ADAMTSL3: variants seen among roughly 807,000 people sequenced by gnomAD.
ADAMTSL3 encodes ADAMTS like 3.
In ADAMTSL3, 128 loss-of-function variants were observed where a neutral mutation model predicts 201.7. That is an observed-to-expected ratio of 0.63 (90% CI 0.55 to 0.73). The LOEUF is 0.73. Ranked by LOEUF, ADAMTSL3 falls within the 30% of genes least tolerant of loss-of-function variation. ADAMTSL3 has a pLI of 0.00. For missense variants in ADAMTSL3, 1,990 were observed against 2,119.6 expected (o/e 0.94, Z 1.20); for synonymous variants, 738 against 748.4 (o/e 0.99, Z 0.23).
intron 3 of ADAMTSL3, among the ~76,000 whole-genome samples, chr15:83,748,771 A>G (rs1459475577): frequency 6.6e-6 from 1 of 152,146 alleles, no homozygotes; most frequent in African/African-American, 2.4e-5. Flanking sequence ...AATTATTGGT[A>G]TGAGGTGGTT....
chr15:83,881,002 G>C (rs111271577), intron 9 of ADAMTSL3, among the ~76,000 whole-genome samples: 8 of 152,180 alleles, frequency 5.3e-5, no homozygotes, highest in African/African-American at 1.9e-4. Flanking sequence ...TGGAAGAAAG[G>C]TTGTGGATAT....
At chr15:83,717,039 A>G (rs1483127540) in intron 3 of ADAMTSL3, among the ~76,000 whole-genome samples, 1 of 152,244 alleles carries the variant, frequency 6.6e-6, no homozygotes, top group Admixed American at 6.5e-5. Context: ...TATTGTAAAT[A>G]TACATTAAAT....
At chr15:83,718,823 C>T (rs185588541) in intron 3 of ADAMTSL3, among the ~76,000 whole-genome samples, 45 of 152,090 alleles carry the variant, frequency 3.0e-4, no homozygotes, top group Admixed American at 2.8e-3. Context: ...TCACTGTTGG[C>T]GGGTGCTCAG....
intron 4 of ADAMTSL3, among the ~76,000 whole-genome samples, chr15:83,776,773 G>A (rs2063081990): frequency 6.6e-6 from 1 of 152,218 alleles, no homozygotes; most frequent in Admixed American, 6.5e-5. Context: ...AGCCCTCTGT[G>A]CTGGGGCATG....
At chr15:83,757,275 A>G (rs561003258) in intron 3 of ADAMTSL3, among the ~76,000 whole-genome samples, 1 of 152,214 alleles carries the variant, frequency 6.6e-6, no homozygotes, top group Admixed American at 6.5e-5. Context: ...AGGTATTTCC[A>G]TACATCCTCT....
At chr15:84,002,936 C>CTTTTTTTTTTT (rs368176543) in intron 23 of ADAMTSL3, among the ~76,000 whole-genome samples, 614 of 99,632 alleles carry the variant, frequency 6.2e-3, no homozygotes, top group Non-Finnish European at 7.5e-3. Flanking sequence ...CTTTTCTTTT[C>CTTTTTTTTTTT]TTTTTTTTTT....
At chr15:83,819,785 A>C in intron 5 of ADAMTSL3, 26 bp from the exon 6 acceptor site, 1 of 1,570,110 alleles carries the variant, frequency 6.4e-7, no homozygotes, top group Non-Finnish European at 8.8e-7. Flanking sequence ...GGTGATGTGC[A>C]TGTGGCCTTT....
In ADAMTSL3 at chr15:83,796,082, G is replaced by A. The variant is rs182216584; in HGVS notation, c.318-8568G>A. Among the ~76,000 whole-genome samples the A allele has an allele frequency of 4.6e-5, 7 of 152,278 alleles. No homozygotes were observed. The East Asian group carries it at 1.3e-3, about 29-fold the overall frequency. Reference sequence around the variant, plus strand: ...CTAGGAATAAAGGTATACTCTCAATGTACAGTAGATAATCTTGATAGTAAA... The same window carrying A: ...CTAGGAATAAAGGTATACTCTCAATATACAGTAGATAATCTTGATAGTAAA... On this transcript the variant is annotated intron_variant, in intron 4 of 29. Transcript: ENST00000286744.
At chr15:83,829,324 A>G (rs1596286051) in intron 6 of ADAMTSL3, among the ~76,000 whole-genome samples, 1 of 152,156 alleles carries the variant, frequency 6.6e-6, no homozygotes, top group South Asian at 2.1e-4. Context: ...AGAGCTGTTT[A>G]TAGTATTCCC....
At chr15:83,968,584 C>T (rs993208049) in intron 19 of ADAMTSL3, among the ~76,000 whole-genome samples, 6 of 152,186 alleles carry the variant, frequency 3.9e-5, no homozygotes, top group African/African-American at 1.4e-4. Context: ...TTAGTTCAAC[C>T]ATTGTGGAAG....
intron 23 of ADAMTSL3, among the ~76,000 whole-genome samples, chr15:84,009,766 C>T (rs550291762): frequency 9.8e-5 from 15 of 152,328 alleles, no homozygotes; most frequent in South Asian, 6.2e-4. Context: ...TCATGGTCCC[C>T]GGGTTGAGGA....
intron 19 of ADAMTSL3, among the ~76,000 whole-genome samples, chr15:83,955,728 A>G (rs1286438154): frequency 6.6e-6 from 1 of 152,008 alleles, no homozygotes; most frequent in African/African-American, 2.4e-5. Flanking sequence ...AGGACCTGGC[A>G]TGGGGGCTTC....
intron 20 of ADAMTSL3, among the ~76,000 whole-genome samples, chr15:83,978,820 G>A (rs747491785): frequency 7.9e-5 from 12 of 152,258 alleles, no homozygotes; most frequent in Admixed American, 3.3e-4. Context: ...GGGGCCACAA[G>A]GCCTGCCTTC....
intron 8 of ADAMTSL3, among the ~76,000 whole-genome samples, chr15:83,867,963 G>GA (rs1438493928): frequency 6.6e-6 from 1 of 152,128 alleles, no homozygotes; most frequent in East Asian, 1.9e-4. Context: ...AAGATTTTGG[G>GA]ATACAAGAAA....
chr15:83,797,107 C>T (rs554129473), intron 4 of ADAMTSL3, among the ~76,000 whole-genome samples: 42 of 151,942 alleles, frequency 2.8e-4, no homozygotes, highest in South Asian at 1.0e-3. Flanking sequence ...AAAGAAAAGC[C>T]ATAGAGTGGA....
chr15:83,669,689 C>T (rs1457072401), intron 2 of ADAMTSL3, among the ~76,000 whole-genome samples: 2 of 149,734 alleles, frequency 1.3e-5, no homozygotes, highest in South Asian at 4.3e-4. Flanking sequence ...AGGATGGTCT[C>T]AATCTCCTGA....
At chr15:83,828,402 C>G (rs2064075442) in intron 6 of ADAMTSL3, among the ~76,000 whole-genome samples, 1 of 152,148 alleles carries the variant, frequency 6.6e-6, no homozygotes, top group African/African-American at 2.4e-5. Context: ...ACTGAAGTTG[C>G]CTATCAGCTT....
At chr15:83,872,627 C>CACACACACAGAG (rs6145659) in intron 9 of ADAMTSL3, among the ~76,000 whole-genome samples, 51 of 141,014 alleles carry the variant, frequency 3.6e-4, no homozygotes, top group East Asian at 1.5e-3. Context: ...CACACACACA[C>CACACACACAGAG]AGAGTTTTTG....
intron 23 of ADAMTSL3, among the ~76,000 whole-genome samples, chr15:84,009,678 ATAGAAGTGC>A (rs1183624445): frequency 6.6e-6 from 1 of 152,208 alleles, no homozygotes; most frequent in Non-Finnish European, 1.5e-5. Context: ...TTCATAATTG[ATAGAAGTGC>A]TACATTTCAA....
Sources: gnomAD v4.1 joint callset for allele counts (sites outside exome capture counted in the v4.1 genomes callset) on GRCh38, gnomAD v4.1.1 for gene constraint, MANE v1.5 for transcripts, NCBI Gene and HGNC (gene_info 2026-07-23, HGNC 2026-07-21) for gene names.